GRM1: variants seen among roughly 807,000 people sequenced by gnomAD.
GRM1 encodes glutamate metabotropic receptor 1, also known as metabotropic glutamate receptor 1.
A neutral mutation model predicts 90.9 loss-of-function variants in GRM1; 33 were observed. The ratio of observed to expected loss-of-function variants is 0.36; its 90% CI spans 0.28 to 0.49. GRM1 has a LOEUF of 0.49. Ranked by LOEUF, GRM1 falls within the 20% of genes least tolerant of loss-of-function variation. The pLI is 0.99. For missense variants in GRM1, 1,190 were observed against 1,534.3 expected, an observed-to-expected ratio of 0.78 and a Z score of 3.75; for synonymous variants, 700 against 613.2, an observed-to-expected ratio of 1.14 and a Z score of -2.09.
intron 1 of GRM1, among the ~76,000 whole-genome samples, chr6:146,090,849 A>G (rs1469964460): frequency 6.6e-6 from 1 of 152,072 alleles, no homozygotes; most frequent in Non-Finnish European, 1.5e-5. Context: ...TTTATTACTG[A>G]GAATTTCCAA....
intron 2 of GRM1, among the ~76,000 whole-genome samples, chr6:146,273,020 C>T (rs1160105413): frequency 6.6e-6 from 1 of 152,170 alleles, no homozygotes; most frequent in East Asian, 1.9e-4. Context: ...GGTCTTTCTT[C>T]CAGCATGGTG....
intron 7 of GRM1, among the ~76,000 whole-genome samples, chr6:146,419,154 G>A (rs565379978): frequency 7.9e-5 from 12 of 152,298 alleles, no homozygotes; most frequent in African/African-American, 2.9e-4. Context: ...AAGATTCCAC[G>A]AAGGCTAAGG....
At chr6:146,047,905 A>G (rs1791392206) in intron 1 of GRM1, among the ~76,000 whole-genome samples, 1 of 152,022 alleles carries the variant, frequency 6.6e-6, no homozygotes, top group Admixed American at 6.6e-5. Context: ...TATAACAGGC[A>G]TATTTCCACC....
In GRM1 at chr6:146,414,644, C is replaced by T. The variant is rs192282756; in HGVS notation, c.2660+14945C>T. ...GTCTTGATCTCCTGACCTTGTGATC[C>T]GCCCGCCTCGGCCTCCCGAAGTGCT... On this transcript the variant is annotated intron_variant, in intron 7 of 7. Coordinates refer to ENST00000282753, the MANE Select transcript of GRM1 (RefSeq NM_001278064.2). 6.8e-3 allele frequency among the ~76,000 whole-genome samples: 1,028 copies of T among 152,210 alleles called. 8 individuals are homozygous for T. The highest frequency in any genetic ancestry group is 0.022 in the African/African-American group (903 of 41,532).
chr6:146,161,809 C>T (rs752162688), intron 2 of GRM1, among the ~76,000 whole-genome samples: 2 of 152,148 alleles, frequency 1.3e-5, no homozygotes, highest in Non-Finnish European at 2.9e-5. Flanking sequence ...ATGAAAGCAG[C>T]CTTTAAAATT....
chr6:146,032,014 T>TATA (rs1043603388), intron 1 of GRM1, among the ~76,000 whole-genome samples: 3 of 152,206 alleles, frequency 2.0e-5, no homozygotes, highest in Non-Finnish European at 4.4e-5. Context: ...CATATTTCAT[T>TATA]ATAAGATTGT....
At chr6:146,027,741 G>C (rs1311226506), upstream of GRM1, 2 of 152,350 alleles carry the variant, frequency 1.3e-5, no homozygotes, top group East Asian at 3.9e-4. Flanking sequence ...GCGTGGCCAC[G>C]GTCCTCTGGC....
chr6:146,227,168 G>A (rs1472190515), intron 2 of GRM1, among the ~76,000 whole-genome samples: 1 of 151,726 alleles, frequency 6.6e-6, no homozygotes, highest in East Asian at 1.9e-4. Context: ...TAAATACTCA[G>A]AAATATCTAA....
chr6:146,090,524 G>C (rs1438958320), intron 1 of GRM1, among the ~76,000 whole-genome samples: 1 of 152,014 alleles, frequency 6.6e-6, no homozygotes, highest in African/African-American at 2.4e-5. Flanking sequence ...CTAAAATGCG[G>C]CCTACATTAA....
chr6:146,404,408 A>G (rs902421921), intron 7 of GRM1, among the ~76,000 whole-genome samples: 4 of 152,110 alleles, frequency 2.6e-5, no homozygotes, highest in Non-Finnish European at 4.4e-5. Flanking sequence ...ATATAACTAA[A>G]TGTACTGTGC....
chr6:146,191,116 C>T (rs1254176730), intron 2 of GRM1, among the ~76,000 whole-genome samples: 1 of 152,190 alleles, frequency 6.6e-6, no homozygotes, highest in Non-Finnish European at 1.5e-5. Context: ...TTGCCTAGGT[C>T]AGTTCCCCTT....
intron 2 of GRM1, among the ~76,000 whole-genome samples, chr6:146,270,984 C>T (rs752336963): frequency 6.9e-4 from 85 of 123,904 alleles, no homozygotes; most frequent in Admixed American, 1.2e-3. Context: ...TTCTCTCTCT[C>T]TCTTTCTTTC....
chr6:146,117,505 T>G (rs1327213177), intron 1 of GRM1, among the ~76,000 whole-genome samples: 1 of 152,038 alleles, frequency 6.6e-6, no homozygotes, highest in Non-Finnish European at 1.5e-5. Context: ...AGTTTCTGTT[T>G]AATAGGAACA....
intron 2 of GRM1, among the ~76,000 whole-genome samples, chr6:146,224,677 T>C (rs1382330888): frequency 1.3e-5 from 2 of 152,170 alleles, no homozygotes; most frequent in Admixed American, 6.6e-5. Flanking sequence ...TTGAGTAAGA[T>C]GAAAGTTTCT....
intron 2 of GRM1, among the ~76,000 whole-genome samples, chr6:146,220,166 G>T (rs902054878): frequency 6.6e-6 from 1 of 152,082 alleles, no homozygotes; most frequent in African/African-American, 2.4e-5. Context: ...TCATCTGTAG[G>T]TGAGAAACTA....
intron 3 of GRM1, among the ~76,000 whole-genome samples, chr6:146,348,975 T>C (rs933777335): frequency 2.0e-5 from 3 of 152,128 alleles, no homozygotes; most frequent in Admixed American, 1.3e-4. Context: ...TAATGTTTAG[T>C]TGGCAGGATT....
At chr6:146,189,016 C>T (rs1219019842) in intron 2 of GRM1, among the ~76,000 whole-genome samples, 3 of 152,170 alleles carry the variant, frequency 2.0e-5, no homozygotes, top group Non-Finnish European at 4.4e-5. Context: ...TTAAAGAGTC[C>T]ATAACGTGGT....
chr6:146,106,777 A>C (rs1775320860), intron 1 of GRM1, among the ~76,000 whole-genome samples: 1 of 152,192 alleles, frequency 6.6e-6, no homozygotes, highest in Admixed American at 6.5e-5. Context: ...TCGTGGTGTC[A>C]TTCCTTATGT....
intron 1 of GRM1, among the ~76,000 whole-genome samples, chr6:146,098,798 C>T (rs918942035): frequency 6.6e-6 from 1 of 151,840 alleles, no homozygotes; most frequent in Non-Finnish European, 1.5e-5. Flanking sequence ...GAGGCTTTTC[C>T]CCCTTTTTCT....
Sources: allele counts gnomAD v4.1 joint callset (sites outside exome capture counted in the v4.1 genomes callset), GRCh38; gene constraint gnomAD v4.1.1; transcripts MANE v1.5; gene names NCBI Gene and HGNC (gene_info 2026-07-23, HGNC 2026-07-21).